The following HUNK variants were observed in gnomAD, a reference collection of about 807,000 sequenced individuals.
HUNK encodes hormonally up-regulated Neu-associated kinase.
Under a neutral mutation model 61.0 loss-of-function variants are expected in HUNK, and 21 were observed. The observed-to-expected ratio is 0.34, with a 90% CI of 0.24 to 0.50. The LOEUF (loss-of-function observed/expected upper bound fraction) is 0.50, where lower values mean the gene tolerates loss of function less well. Among genes scored for constraint, HUNK ranks in the 20% least tolerant of loss-of-function variants. The pLI, the probability that HUNK is intolerant of heterozygous loss-of-function variation, is 0.98. For missense variants in HUNK, 772 were observed against 945.7 expected (o/e 0.82, Z 2.41); for synonymous variants, 371 against 386.1 (o/e 0.96, Z 0.46).
At chr21:31,974,865 G>A (rs956743727) in intron 7 of HUNK, 148 bp downstream of exon 7, 22 of 734,150 alleles carry the variant, frequency 3.0e-5, no homozygotes, top group Admixed American at 6.7e-5. Context: ...GGATAAAGTC[G>A]TAGCTAAACC....
At chr21:31,974,486 C>A in intron 6 of HUNK, 69 bp from the exon 7 acceptor site, 1 of 1,405,746 alleles carries the variant, frequency 7.1e-7, no homozygotes, top group Non-Finnish European at 9.6e-7. Context: ...CTGATTGTGC[C>A]CAGGGGGTCT....
rs539701506 is a variant in HUNK at position 31,899,029 on chromosome 21, C to T, written c.261+25094C>T. On this transcript the variant is annotated intron_variant, in intron 1 of 10. Transcript: ENST00000270112. ...TAAGCTGCTCTTAAGTTCCCACCCT[C>T]TTCCCTTGTTCTCGGTAGGTTTATG... Among the ~76,000 whole-genome samples, 3 of 152,170 alleles carry T rather than the reference C, an allele frequency of 2.0e-5. No homozygotes were observed. In the South Asian group the frequency reaches 6.2e-4, roughly 32 times the overall value.
At chr21:31,972,112 T>G (rs200546614) in intron 6 of HUNK, among the ~76,000 whole-genome samples, 2 of 152,222 alleles carry the variant, frequency 1.3e-5, no homozygotes, top group East Asian at 3.9e-4. Flanking sequence ...GTTTCAGACT[T>G]TTGTACAGAG....
chr21:32,003,144 G>A lies in HUNK; in HGVS notation c.*3960G>A, dbSNP rs1178060196. On this transcript the variant is annotated 3_prime_UTR_variant, in exon 11 of 11. Transcript: ENST00000270112. ...GTGGCTGCCATGGTCAGAGGGGGAT[G>A]TCAACAACAGATCAAGCCGTCATCA... 1 of 152,270 alleles carries A rather than the reference G, an allele frequency of 6.6e-6. No homozygotes were observed. Among genetic ancestry groups the A allele is most frequent in the African/African-American group, 2.4e-5 (1 of 41,464 alleles). The allele number at this position is 152,270 out of a possible 1,614,324, so 9.4% of individuals were successfully genotyped here. A position where few individuals can be genotyped will look rare whatever the true frequency, so the allele number is the denominator to read the frequency against.
intron 3 of HUNK, 64 bp from the exon 4 acceptor site, chr21:31,945,972 T>C: frequency 6.7e-7 from 1 of 1,492,092 alleles, no homozygotes; most frequent in Non-Finnish European, 9.1e-7. Context: ...TTTCCTTTTG[T>C]TCCTCCCTCT....
At chr21:31,961,427 C>CCAACCCA (rs1473148330) in intron 5 of HUNK, among the ~76,000 whole-genome samples, 2 of 152,118 alleles carry the variant, frequency 1.3e-5, no homozygotes, top group East Asian at 3.9e-4. Flanking sequence ...AGTGAAATTG[C>CCAACCCA]TGGGTTGGGT....
intron 2 of HUNK, among the ~76,000 whole-genome samples, chr21:31,925,899 T>C (rs1382081740): frequency 6.6e-6 from 1 of 151,596 alleles, no homozygotes; most frequent in Non-Finnish European, 1.5e-5. Context: ...ATAATTACTC[T>C]GGGTTATTGA....
chr21:31,879,970 T>C (rs531067136), intron 1 of HUNK, among the ~76,000 whole-genome samples: 5 of 152,162 alleles, frequency 3.3e-5, no homozygotes, highest in African/African-American at 4.8e-5. Flanking sequence ...CTGACCTGAA[T>C]TGAATTTCAC....
chr21:31,998,093 A>G (rs1051561109), intron 10 of HUNK, among the ~76,000 whole-genome samples: 10 of 151,914 alleles, frequency 6.6e-5, no homozygotes, highest in Non-Finnish European at 1.2e-4. Flanking sequence ...AATTTTTTAA[A>G]ATTTTTTTAG....
chr21:31,995,969 C>G lies in HUNK; in HGVS notation c.1486+21C>G, dbSNP rs780387782. The stretch of plus-strand genomic sequence containing the variant: ...CAAAGGTGGGTCAGCTCTGGGGACT[C>G]TCTCAGGCCACTCGTGTTGGGCTGT... On this transcript the variant is annotated intron_variant, in intron 10 of 10. Transcript: ENST00000270112. The G allele has an allele frequency of 1.1e-5, 17 of 1,592,208 alleles. No homozygotes were observed. In the Admixed American group the frequency reaches 1.6e-4, roughly 15 times the overall value.
At position 31,924,542 on chromosome 21, in the gene HUNK, T is replaced by G; in HGVS notation, c.336T>G (p.Gly112=). The change falls in exon 2 of 11, where the codon GGT becomes GGG. Residue 112 remains glycine (G), a synonymous_variant. Transcript: ENST00000270112. This position sits in a 1 kb window ranked among gnomAD's most constrained non-coding sequence, Gnocchi z 5.1. ...TYVTKNLRRE[G]QIQQMIRHPN... ...TCACCAAAAACCTGCGGCGAGAGGG[T>G]CAGATCCAGCAGATGATCCGCCACC... 6.2e-7 allele frequency: 1 copy of G among 1,613,974 alleles called. No homozygotes were observed. The highest frequency in any genetic ancestry group is 8.5e-7 in the Non-Finnish European group (1 of 1,179,996).
chr21:31,879,839 C>T (rs2052293074), intron 1 of HUNK, among the ~76,000 whole-genome samples: 1 of 152,126 alleles, frequency 6.6e-6, no homozygotes, highest in African/African-American at 2.4e-5. Context: ...TTCCCTCTGT[C>T]GATTATTTAT....
intron 3 of HUNK, 89 bp downstream of exon 3, chr21:31,940,309 C>CT: frequency 1.4e-6 from 1 of 721,892 alleles, no homozygotes; most frequent in Non-Finnish European, 2.3e-6. Flanking sequence ...TGGTCTATCT[C>CT]TAATACCCAG....
intron 2 of HUNK, among the ~76,000 whole-genome samples, chr21:31,931,914 G>GCACGCGCGCACACACACA (rs2052699480): frequency 6.6e-6 from 1 of 152,028 alleles, no homozygotes; most frequent in Non-Finnish European, 1.5e-5. Context: ...TGTGATGCAT[G>GCACGCGCGCACACACACA]CACGCGCGCA....
At chr21:31,942,960 T>C (rs1046212760) in intron 3 of HUNK, among the ~76,000 whole-genome samples, 5 of 152,136 alleles carry the variant, frequency 3.3e-5, no homozygotes, top group African/African-American at 1.2e-4. Flanking sequence ...GAGGGAGAGA[T>C]GAAGGCCCAG....
intron 4 of HUNK, among the ~76,000 whole-genome samples, chr21:31,947,015 C>A (rs143076492): frequency 6.6e-6 from 1 of 152,226 alleles, no homozygotes; most frequent in East Asian, 1.9e-4. Flanking sequence ...ATTCCCACAT[C>A]CCATTCTCAA....
chr21:31,883,439 C>G (rs1424743190), intron 1 of HUNK, among the ~76,000 whole-genome samples: 1 of 152,120 alleles, frequency 6.6e-6, no homozygotes, highest in Non-Finnish European at 1.5e-5. Flanking sequence ...GTTCATTGTT[C>G]ATGTCCATTC....
intron 1 of HUNK, among the ~76,000 whole-genome samples, chr21:31,892,209 A>T (rs2186308): frequency 0.093 from 10,563 of 113,856 alleles, 490 homozygotes; most frequent in African/African-American, 0.15. Context: ...AGAGAGAGAG[A>T]GTGTGTGTGT....
chr21:31,922,179 G>T (rs1211856477), intron 1 of HUNK, among the ~76,000 whole-genome samples: 6 of 146,576 alleles, frequency 4.1e-5, no homozygotes, highest in East Asian at 2.0e-4. Context: ...ACCACACCCA[G>T]CTAATTTTTA....
Sources: allele counts gnomAD v4.1 joint callset (sites outside exome capture counted in the v4.1 genomes callset), GRCh38; gene constraint gnomAD v4.1.1; non-coding constraint Gnocchi (gnomAD v3.1); transcripts MANE v1.5; gene names NCBI Gene and HGNC (gene_info 2026-07-23, HGNC 2026-07-21).